Variants in C9orf85 observed in about 807,000 individuals in gnomAD.
C9orf85 encodes uncharacterized protein C9orf85.
Under a neutral mutation model 14.9 loss-of-function variants are expected in C9orf85, and 16 were observed. The observed-to-expected ratio is 1.08, with a 90% CI of 0.73 to 1.63. C9orf85 has a LOEUF of 1.63. Among genes scored for constraint, C9orf85 ranks in the 40% most tolerant of loss-of-function variants. The probability of loss-of-function intolerance (pLI) is 0.00; values close to 1 mark genes in which losing one functional copy is unlikely to be tolerated. For synonymous variants in C9orf85, 45 were observed against 56.8 expected, an observed-to-expected ratio of 0.79 and a Z score of 0.93; for missense variants, 172 against 186.1, an observed-to-expected ratio of 0.92 and a Z score of 0.44.
At chr9:71,942,148 T>A (rs543037318) in intron 1 of C9orf85, among the ~76,000 whole-genome samples, 1 of 152,236 alleles carries the variant, frequency 6.6e-6, no homozygotes, top group Non-Finnish European at 1.5e-5. Context: ...ACCTACATTG[T>A]ACACCTAAGA....
chr9:71,973,687 G>A (rs933600281), downstream of C9orf85, among the ~76,000 whole-genome samples: 2 of 151,690 alleles, frequency 1.3e-5, no homozygotes, highest in Non-Finnish European at 2.9e-5. Context: ...TACACACCTC[G>A]GTGAGGAAAC....
intron 2 of C9orf85, among the ~76,000 whole-genome samples, chr9:71,963,005 G>A (rs879667788): frequency 5.3e-5 from 8 of 152,198 alleles, no homozygotes; most frequent in Admixed American, 3.9e-4. Context: ...GCAGTGAGCC[G>A]AGATTGCGCC....
Position 71,971,621 on chromosome 9 carries a change from G to A in C9orf85, c.323+3G>A, listed in dbSNP as rs746312470. On this transcript the variant is annotated splice_donor_region_variant and intron_variant, in intron 3 of 3. Transcript: ENST00000334731. ...AAGAAAGAAGACATTGTTATTCCGTGAGTGTTTCCTTTTATGTTTGAATTT... is the reference window on the plus strand; with the variant it reads ...AAGAAAGAAGACATTGTTATTCCGTAAGTGTTTCCTTTTATGTTTGAATTT... The A allele has an allele frequency of 6.4e-7, 1 of 1,572,462 alleles. No homozygotes were observed. Among genetic ancestry groups the A allele is most frequent in the South Asian group, 1.1e-5 (1 of 89,092 alleles).
intron 1 of C9orf85, among the ~76,000 whole-genome samples, chr9:71,930,614 A>G (rs1828046637): frequency 6.6e-6 from 1 of 150,422 alleles, no homozygotes; most frequent in Admixed American, 6.7e-5. Flanking sequence ...TGGGCAACAT[A>G]GTGACATAGT....
In C9orf85 at chr9:71,972,739, G is replaced by T. The variant is rs770598160; in HGVS notation, c.371G>T (p.Ser124Ile). ...ATAGAACATACTGAAAATAATCTAA[G>T]TTCCAACCATAGAAGAAGCTGCAGA... ...EKIEHTENNL[S>I]SNHRRSCRRN... Residue 124 changes from serine to isoleucine, a missense_variant, in exon 4 of 4, where the codon AGT (serine) becomes ATT (isoleucine). Physicochemically the swap from Ser to Ile is moderately radical, Grantham distance 142. Transcript: ENST00000334731. 6.2e-7 allele frequency: 1 copy of T among 1,607,024 alleles called. No homozygotes were observed. Among genetic ancestry groups the T allele is most frequent in the South Asian group, 1.1e-5 (1 of 90,684 alleles).
chr9:71,938,436 T>C (rs1564088646), intron 1 of C9orf85, among the ~76,000 whole-genome samples: 1 of 152,028 alleles, frequency 6.6e-6, no homozygotes, highest in African/African-American at 2.4e-5. Context: ...TTGAGTTGAG[T>C]AATAATGCAC....
downstream of C9orf85, among the ~76,000 whole-genome samples, chr9:71,975,384 T>C (rs1822980996): frequency 6.9e-6 from 1 of 145,502 alleles, no homozygotes; most frequent in African/African-American, 2.6e-5. Flanking sequence ...AAGGTTGCAG[T>C]GAGCCAAGAT....
Position 71,973,015 on chromosome 9 carries a change from C to G in C9orf85, c.*173C>G, listed in dbSNP as rs891843940. 6.0e-6 allele frequency: 2 copies of G among 333,608 alleles called. No homozygotes were observed. Among genetic ancestry groups the G allele is most frequent in the East Asian group, 5.7e-5 (1 of 17,478 alleles). 20.7% of individuals were successfully genotyped at this position (333,608 alleles called of 1,614,324 possible). A position where few individuals can be genotyped will look rare whatever the true frequency, so the allele number is the denominator to read the frequency against. Reference sequence around the variant, plus strand: ...AAAAAATTAGCTGGGCGTGGTGGCTCATGCCTGTAATCCCAGCTACTCAGG... The same window carrying G: ...AAAAAATTAGCTGGGCGTGGTGGCTGATGCCTGTAATCCCAGCTACTCAGG... On this transcript the variant is annotated 3_prime_UTR_variant, in exon 4 of 4. Transcript: ENST00000334731.
chr9:71,939,671 C>G (rs12555446), intron 1 of C9orf85, among the ~76,000 whole-genome samples: 25,177 of 151,866 alleles, frequency 0.17, 2,568 homozygotes, highest in Admixed American at 0.3. Context: ...ATTTTGGAAA[C>G]AAAAATAGTT....
intron 2 of C9orf85, among the ~76,000 whole-genome samples, chr9:71,969,452 C>A (rs898435874): frequency 3.3e-5 from 5 of 152,080 alleles, no homozygotes; most frequent in African/African-American, 4.8e-5. Flanking sequence ...TCTTATTATT[C>A]TTTCAATGTC....
Position 71,972,750 on chromosome 9 carries a change from A to T in C9orf85, c.382A>T (p.Arg128Ter). The T allele has an allele frequency of 6.2e-7, 1 of 1,609,032 alleles. No homozygotes were observed. The change falls in exon 4 of 4, where the codon AGA (arginine) becomes TGA (stop). Residue 128 changes from arginine (R) to a stop codon, truncating the protein, a stop_gained. Transcript: ENST00000334731. LOFTEE classifies it low-confidence loss of function (END_TRUNC). Reference protein sequence around the residue: ...HTENNLSSNHRRSCRRNEESD... With the variant: ...HTENNLSSNH ...TGAAAATAATCTAAGTTCCAACCAT[A>T]GAAGAAGCTGCAGAAGAAATGAAGA...
downstream of C9orf85, among the ~76,000 whole-genome samples, chr9:71,976,670 A>C (rs558838678): frequency 6.6e-6 from 1 of 151,976 alleles, no homozygotes; most frequent in East Asian, 1.9e-4. Flanking sequence ...TCAAAAAAAA[A>C]AAAAAAATTC....
intron 1 of C9orf85, among the ~76,000 whole-genome samples, chr9:71,942,249 T>G (rs911357914): frequency 1.8e-4 from 28 of 152,214 alleles, no homozygotes; most frequent in Non-Finnish European, 4.4e-5. Context: ...CTTTGTGTTG[T>G]AAGGACATTT....
intron 3 of C9orf85, chr9:71,982,594 G>A: frequency 2.6e-6 from 1 of 387,256 alleles, no homozygotes; most frequent in Non-Finnish European, 4.9e-6. Flanking sequence ...TCATTCTAGT[G>A]TGTGTGAAGT....
At chr9:71,969,121 A>G (rs1277121168) in intron 2 of C9orf85, among the ~76,000 whole-genome samples, 1 of 152,118 alleles carries the variant, frequency 6.6e-6, no homozygotes, top group Non-Finnish European at 1.5e-5. Context: ...GAAAATGGAG[A>G]ACAAAGAACT....
At chr9:71,943,842 T>G (rs929333548) in intron 1 of C9orf85, among the ~76,000 whole-genome samples, 2 of 150,628 alleles carry the variant, frequency 1.3e-5, no homozygotes, top group African/African-American at 4.9e-5. Flanking sequence ...CACCCGGCCC[T>G]TTCTCACCCA....
At chr9:71,984,072 C>T (rs1487262998), downstream of C9orf85, 1 of 152,102 alleles carries the variant, frequency 6.6e-6, no homozygotes, top group Non-Finnish European at 1.5e-5. Context: ...TGGTATTAGC[C>T]CGATTTTTCC....
chr9:71,927,612 A>T (rs1827962506), intron 1 of C9orf85, among the ~76,000 whole-genome samples: 1 of 152,228 alleles, frequency 6.6e-6, no homozygotes, highest in Non-Finnish European at 1.5e-5. Context: ...AGTGCCTATC[A>T]TTCTGGCCTT....
intron 2 of C9orf85, among the ~76,000 whole-genome samples, chr9:71,956,980 AGACT>A (rs1822396663): frequency 6.6e-6 from 1 of 151,958 alleles, no homozygotes; most frequent in African/African-American, 2.4e-5. Flanking sequence ...TATTCCCTGA[AGACT>A]GACTTTTTTT....
Sources: gnomAD v4.1 joint callset for allele counts (sites outside exome capture counted in the v4.1 genomes callset) on GRCh38, gnomAD v4.1.1 for gene constraint, MANE v1.5 for transcripts, NCBI Gene and HGNC (gene_info 2026-07-23, HGNC 2026-07-21) for gene names.